Variants in SLC38A8 observed in about 807,000 individuals in gnomAD.
The protein encoded by SLC38A8 is solute carrier family 38 member 8.
In SLC38A8, 65 loss-of-function variants were observed where a neutral mutation model predicts 46.0. That is an observed-to-expected ratio of 1.41 (90% CI 1.16 to 1.74). SLC38A8 has a LOEUF of 1.74. Among genes scored for constraint, SLC38A8 ranks in the 40% most tolerant of loss-of-function variants. SLC38A8 has a pLI of 0.00. For synonymous variants in SLC38A8, 447 were observed against 243.7 expected (o/e 1.83, Z -7.77); for missense variants, 998 against 567.9 (o/e 1.76, Z -7.70).
chr16:84,016,859 C>G lies in SLC38A8; in HGVS notation c.954-132G>C, dbSNP rs111457938. 3.8e-4 allele frequency: 422 copies of G among 1,123,568 alleles called. 2 individuals carry two copies. In the African/African-American group the frequency reaches 6.2e-3, roughly 16 times the overall value. The allele number at this position is 1,123,568 out of a possible 1,614,324, so 69.6% of individuals were successfully genotyped here. A position where few individuals can be genotyped will look rare whatever the true frequency, so the allele number is the denominator to read the frequency against. On this transcript the variant is annotated intron_variant, in intron 8 of 10. Transcript: ENST00000299709. The stretch of plus-strand genomic sequence containing the variant: ...CCTGTTCCACACTCAGGTGTTTATT[C>G]CCCAGGAGACCTTGCCAACCCTCAG...
rs2085305164 is a variant in SLC38A8, at chr16:84,036,825, G to A, written c.265C>T (p.Gln89Ter). The A allele has an allele frequency of 6.2e-7, 1 of 1,613,904 alleles. No homozygotes were observed. Among genetic ancestry groups the A allele is most frequent in the Non-Finnish European group, 8.5e-7 (1 of 1,180,018 alleles). ...AAAVSGQATYQGVVRGLCGPA... is the reference protein window; with the variant it reads ...AAAVSGQATY The stretch of plus-strand genomic sequence containing the variant: ...CCACACAGCCCCCTGACCACACCCT[G>A]GTAGGTGGCCTGGCCACTGACAGCA... Residue 89 changes from glutamine (Q) to a stop codon, truncating the protein, a stop_gained, in exon 3 of 11, where the codon CAG becomes TAG. Coordinates refer to ENST00000299709, the MANE Select transcript of SLC38A8 (RefSeq NM_001080442.3). LOFTEE classifies it high-confidence loss of function.
rs374278580 is a variant in SLC38A8 at position 84,034,127 on chromosome 16, C to T, written c.389-658G>A. ...CCTGATGGGTACACCTGGGCCTTCC[C>T]TGCAGTCTGGGAGTCTCTCCACATG... On this transcript the variant is annotated intron_variant, in intron 3 of 10. Coordinates refer to ENST00000299709, the MANE Select transcript of SLC38A8 (RefSeq NM_001080442.3). 3.3e-5 allele frequency among the ~76,000 whole-genome samples: 5 copies of T among 152,214 alleles called. No homozygotes were observed. In the South Asian group the frequency reaches 1.0e-3, roughly 31 times the overall value.
chr16:84,010,762 G>A (rs2084943099), intron 10 of SLC38A8, among the ~76,000 whole-genome samples: 1 of 152,078 alleles, frequency 6.6e-6, no homozygotes, highest in Non-Finnish European at 1.5e-5. Context: ...AAAAAGACAT[G>A]GAGAGAAGGG....
At position 84,022,798 on chromosome 16, in the gene SLC38A8, C is replaced by A. The variant is rs1295882577; in HGVS notation, c.782G>T (p.Cys261Phe). The A allele has an allele frequency of 1.2e-6, 2 of 1,614,032 alleles. No individual in the cohort carries two copies. Among genetic ancestry groups the A allele is most frequent in the Non-Finnish European group, 1.7e-6 (2 of 1,179,980 alleles). ...ACCCGTCAGTGAATAGATGAGGCAG[C>A]AGGCCAGCAAGGACAGCACAGACAC... ...ALVSVLSLLA[C>F]CLIYSLTGVY... The change falls in exon 7 of 11, where the codon TGC becomes TTC. Residue 261 changes from cysteine to phenylalanine, a missense_variant. Cys to Phe is a radical substitution (Grantham distance 205). Coordinates refer to ENST00000299709, the MANE Select transcript of SLC38A8 (RefSeq NM_001080442.3).
chr16:84,017,082 T>A, intron 8 of SLC38A8, 58 bp downstream of exon 8: 16 of 1,600,994 alleles, frequency 1.0e-5, no homozygotes, highest in Non-Finnish European at 1.4e-5. Flanking sequence ...ACATGCTCAA[T>A]CACAGCACAC....
chr16:84,029,149 A>AG lies in SLC38A8; in HGVS notation c.690+344dup, dbSNP rs143730334. Among the ~76,000 whole-genome samples, 805 of 152,258 alleles carry AG rather than the reference A, an allele frequency of 5.3e-3. 14 individuals carry two copies. The highest frequency in any genetic ancestry group is 0.018 in the African/African-American group (749 of 41,556). On this transcript the variant is annotated intron_variant, in intron 6 of 10. Transcript: ENST00000299709. Reference sequence around the variant, plus strand: ...TGGGCAGCTTAGGCCTCCAGGCCTCAGGTCTGACTGCAGTCCTGTGGGGGT... The same window carrying AG: ...TGGGCAGCTTAGGCCTCCAGGCCTCAGGGTCTGACTGCAGTCCTGTGGGGGT...
intron 5 of SLC38A8, among the ~76,000 whole-genome samples, chr16:84,031,225 G>T (rs1024431350): frequency 1.5e-4 from 23 of 152,010 alleles, no homozygotes; most frequent in Admixed American, 1.5e-3. Flanking sequence ...TTTTTATGTA[G>T]AGACAGGGTT....
chr16:84,042,815 C>T (rs1223339625), upstream of SLC38A8, among the ~76,000 whole-genome samples: 1 of 152,186 alleles, frequency 6.6e-6, no homozygotes, highest in Non-Finnish European at 1.5e-5. Flanking sequence ...GACTTCTGAC[C>T]TGAGCAAGGA....
At chr16:84,030,002 G>T (rs766290897) in intron 5 of SLC38A8, among the ~76,000 whole-genome samples, 1 of 152,168 alleles carries the variant, frequency 6.6e-6, no homozygotes, top group Non-Finnish European at 1.5e-5. Flanking sequence ...CAGCCTCTTG[G>T]GATCCCCGCC....
intron 3 of SLC38A8, 97 bp from the exon 4 acceptor site, chr16:84,033,566 C>A: frequency 7.2e-7 from 1 of 1,384,394 alleles, no homozygotes; most frequent in Non-Finnish European, 9.7e-7. Flanking sequence ...GTTGGACATC[C>A]ACCCTCAGCC....
At chr16:84,014,186 C>A (rs1212051885) in intron 9 of SLC38A8, among the ~76,000 whole-genome samples, 1 of 151,506 alleles carries the variant, frequency 6.6e-6, no homozygotes, top group Non-Finnish European at 1.5e-5. Flanking sequence ...AAAGCCCCGC[C>A]CAGAGCCAAG....
At chr16:84,010,811 G>A (rs780147853) in intron 10 of SLC38A8, among the ~76,000 whole-genome samples, 2 of 152,120 alleles carry the variant, frequency 1.3e-5, no homozygotes, top group Admixed American at 6.6e-5. Flanking sequence ...CTCCCTTTCT[G>A]TTCCTCAGCC....
chr16:84,041,853 C>T, intron 2 of SLC38A8, 116 bp downstream of exon 2: 1 of 922,428 alleles, frequency 1.1e-6, no homozygotes, highest in Admixed American at 2.5e-5. Flanking sequence ...AAAATAAAAC[C>T]CCGAAGCTAT....
intron 2 of SLC38A8, among the ~76,000 whole-genome samples, chr16:84,038,401 T>C (rs1437786679): frequency 1.3e-5 from 2 of 152,016 alleles, no homozygotes; most frequent in African/African-American, 4.8e-5. Context: ...CCATGACAGG[T>C]TGCTATACTT....
chr16:84,041,619 T>C (rs1440476848), intron 2 of SLC38A8, among the ~76,000 whole-genome samples: 2 of 152,112 alleles, frequency 1.3e-5, no homozygotes, highest in African/African-American at 2.4e-5. Flanking sequence ...GGCCCAGCTT[T>C]AGTTTTTGAG....
intron 9 of SLC38A8, among the ~76,000 whole-genome samples, chr16:84,015,796 C>G (rs979506338): frequency 1.3e-5 from 2 of 152,194 alleles, no homozygotes; most frequent in Non-Finnish European, 2.9e-5. Flanking sequence ...ACCTCCGCCT[C>G]CCGGGTTCAA....
chr16:84,022,754 G>A (rs748489618), intron 7 of SLC38A8, 21 bp downstream of exon 7: 5 of 1,598,466 alleles, frequency 3.1e-6, no homozygotes, highest in Non-Finnish European at 4.3e-6. Flanking sequence ...CCTCTGCAGG[G>A]GTGCCTGGGA....
At chr16:84,030,307 C>T (rs1195604591) in intron 5 of SLC38A8, among the ~76,000 whole-genome samples, 2 of 152,096 alleles carry the variant, frequency 1.3e-5, no homozygotes, top group African/African-American at 2.4e-5. Context: ...CAACAGCCCT[C>T]GGACACTCAC....
intron 7 of SLC38A8, among the ~76,000 whole-genome samples, chr16:84,018,248 T>TC (rs1314523481): frequency 6.9e-5 from 10 of 145,488 alleles, no homozygotes; most frequent in Non-Finnish European, 1.5e-4. Flanking sequence ...TTTTTTTTTT[T>TC]TTGAGACAGA....
Sources: gnomAD v4.1 joint callset for allele counts (sites outside exome capture counted in the v4.1 genomes callset) on GRCh38, gnomAD v4.1.1 for gene constraint, MANE v1.5 for transcripts, NCBI Gene and HGNC (gene_info 2026-07-23, HGNC 2026-07-21) for gene names.